The following WAPL variants were observed in gnomAD, a reference collection of about 807,000 sequenced individuals.
WAPL encodes wings apart-like protein homolog.
A neutral mutation model predicts 121.0 loss-of-function variants in WAPL; 5 were observed. The ratio of observed to expected loss-of-function variants is 0.04; its 90% CI spans 0.02 to 0.09. The LOEUF (loss-of-function observed/expected upper bound fraction) is 0.09. Among genes scored for constraint, WAPL ranks in the 10% least tolerant of loss-of-function variants. WAPL has a pLI of 1.00. For missense variants in WAPL, 999 were observed against 1,410.8 expected (o/e 0.71, Z 4.68); for synonymous variants, 480 against 481.5 (o/e 1.00, Z 0.04).
chr10:86,464,670 C>T (rs1308981686), intron 9 of WAPL, among the ~76,000 whole-genome samples: 1 of 152,148 alleles, frequency 6.6e-6, no homozygotes, highest in Non-Finnish European at 1.5e-5. Flanking sequence ...TCTGTCTCTA[C>T]TAAAAATACA....
At chr10:86,505,300 C>CTTTTTTTTTT (rs531404303) in intron 2 of WAPL, among the ~76,000 whole-genome samples, 451 of 44,656 alleles carry the variant, frequency 0.01, 88 homozygotes, top group Non-Finnish European at 0.014. Context: ...GTGCCCAACT[C>CTTTTTTTTTT]TTTTTTTTTT....
At chr10:86,437,822 C>T in intron 18 of WAPL, 98 bp downstream of exon 18, 4 of 1,035,352 alleles carry the variant, frequency 3.9e-6, no homozygotes, top group Non-Finnish European at 5.7e-6. Flanking sequence ...AAAGAAAATC[C>T]CTTTTTGCTC....
chr10:86,475,249 C>T (rs1389526221), intron 4 of WAPL, among the ~76,000 whole-genome samples: 1 of 152,174 alleles, frequency 6.6e-6, no homozygotes. Context: ...AGAAAGGTAA[C>T]ACCTCATCCT....
chr10:86,449,032 G>T (rs1202265413), intron 15 of WAPL, among the ~76,000 whole-genome samples: 1 of 151,908 alleles, frequency 6.6e-6, no homozygotes, highest in African/African-American at 2.4e-5. Context: ...AACCTTTCTG[G>T]ATCTGACTTT....
Position 86,441,453 on chromosome 10 carries a change from C to A in WAPL, c.3411+1822G>T, listed in dbSNP as rs180885559. Among the ~76,000 whole-genome samples the A allele has an allele frequency of 2.5e-3, 385 of 152,014 alleles. 2 individuals carry two copies. Among genetic ancestry groups the A allele is most frequent in the African/African-American group, 8.8e-3 (365 of 41,452 alleles). On this transcript the variant is annotated intron_variant, in intron 17 of 18. Coordinates refer to ENST00000298767, the MANE Select transcript of WAPL (RefSeq NM_015045.5). ...CTGGTTCAGACAAAAGCATTGTGAC[C>A]CAATGCTGGCCAAGATGAGAAGTCT...
intron 2 of WAPL, among the ~76,000 whole-genome samples, chr10:86,513,574 C>A (rs975316176): frequency 6.6e-6 from 1 of 152,130 alleles, no homozygotes; most frequent in Non-Finnish European, 1.5e-5. Flanking sequence ...GAACCTCCCC[C>A]AAAGTGCTGG....
chr10:86,467,043 A>T, intron 9 of WAPL: 1 of 457,806 alleles, frequency 2.2e-6, no homozygotes, highest in South Asian at 2.5e-5. Context: ...ATTAGACAAA[A>T]TGCAACAGAA....
At chr10:86,504,534 G>A (rs941699418) in intron 2 of WAPL, among the ~76,000 whole-genome samples, 3 of 148,430 alleles carry the variant, frequency 2.0e-5, no homozygotes, top group Admixed American at 6.8e-5. Context: ...AAAATTAGCC[G>A]GGCGTAGTAG....
chr10:86,497,152 C>T, intron 4 of WAPL, 49 bp downstream of exon 4: 1 of 1,397,078 alleles, frequency 7.2e-7, no homozygotes, highest in Non-Finnish European at 1.0e-6. Flanking sequence ...AGAGTTGAGC[C>T]CTCCAATAAC....
intron 12 of WAPL, among the ~76,000 whole-genome samples, chr10:86,454,578 C>T (rs183371027): frequency 6.6e-6 from 1 of 152,230 alleles, no homozygotes; most frequent in African/African-American, 2.4e-5. Flanking sequence ...GATCTTGGCT[C>T]GCTACAACCT....
Position 86,499,719 on chromosome 10 carries a change from T to C in WAPL, c.1524A>G (p.Ala508=), listed in dbSNP as rs199728919. 1.3e-6 allele frequency: 2 copies of C among 1,553,074 alleles called. No homozygotes were observed. The highest frequency in any genetic ancestry group is 2.5e-5 in the South Asian group (2 of 80,038). ...TATACATATTTTTTAAATTCTTACC[T>C]GCATTGTTAGTACCAGACTGACTGT... ...SQDSQSGTNN[A]ENLDFTEDLP... The change falls in exon 3 of 19, where the codon GCA becomes GCG. Residue 508 remains alanine, a splice_region_variant and synonymous_variant. Transcript: ENST00000298767.
intron 2 of WAPL, among the ~76,000 whole-genome samples, chr10:86,506,854 T>G (rs1842362011): frequency 6.6e-6 from 1 of 151,984 alleles, no homozygotes; most frequent in Non-Finnish European, 1.5e-5. Flanking sequence ...TACACTGGAC[T>G]AAGGGTGCCT....
chr10:86,512,646 G>A (rs1461830248), intron 2 of WAPL, among the ~76,000 whole-genome samples: 3 of 152,164 alleles, frequency 2.0e-5, no homozygotes, highest in African/African-American at 7.2e-5. Context: ...AGAACTGACT[G>A]GCTTTAATAG....
intron 2 of WAPL, among the ~76,000 whole-genome samples, chr10:86,514,438 A>G (rs1331542305): frequency 1.3e-5 from 2 of 152,204 alleles, no homozygotes; most frequent in Non-Finnish European, 2.9e-5. Flanking sequence ...GAGGAGAAAA[A>G]AAGAAATATT....
At chr10:86,502,442 T>C (rs1314797356) in intron 2 of WAPL, among the ~76,000 whole-genome samples, 1 of 152,182 alleles carries the variant, frequency 6.6e-6, no homozygotes, top group Non-Finnish European at 1.5e-5. Flanking sequence ...GGAGTCCTTA[T>C]CTGTTAAAAA....
intron 4 of WAPL, among the ~76,000 whole-genome samples, chr10:86,484,586 G>A (rs73335561): frequency 0.024 from 3,624 of 152,232 alleles, 118 homozygotes; most frequent in African/African-American, 0.075. Flanking sequence ...TGCAGCATAC[G>A]TGTACAGTCT....
rs562457092 is a variant in WAPL at position 86,436,835 on chromosome 10, T to C, written c.*708A>G. 5 of 152,772 alleles carry C rather than the reference T, an allele frequency of 3.3e-5. No individual in the cohort carries two copies. The East Asian group carries it at 9.6e-4, about 29-fold the overall frequency. 9.5% of individuals were successfully genotyped at this position (152,772 alleles called of 1,614,324 possible). ...CAAACTGTTGTTTTTCTTGTGCCTATAGCTATGACACATTATGGTATGATA... is the reference window on the plus strand; with the variant it reads ...CAAACTGTTGTTTTTCTTGTGCCTACAGCTATGACACATTATGGTATGATA... On this transcript the variant is annotated 3_prime_UTR_variant, in exon 19 of 19. Coordinates refer to ENST00000298767, the MANE Select transcript of WAPL (RefSeq NM_015045.5).
Position 86,437,623 on chromosome 10 carries a change from A to G in WAPL, c.3508-15T>C. On this transcript the variant is annotated splice_polypyrimidine_tract_variant and intron_variant, in intron 18 of 18. Transcript: ENST00000298767. ...CCAACAGCACACTGAAAGCAGGGTG[A>G]AGGGGAAAGGAAGTAACAGTTAATA... The G allele has an allele frequency of 6.2e-7, 1 of 1,613,158 alleles. No individual in the cohort carries two copies.
Position 86,521,372 on chromosome 10 carries a change from G to A in WAPL, c.-30C>T. 3.5e-6 allele frequency: 1 copy of A among 285,354 alleles called. No homozygotes were observed. Among genetic ancestry groups the A allele is most frequent in the Non-Finnish European group, 7.0e-6 (1 of 143,548 alleles). The allele number at this position is 285,354 out of a possible 1,614,324, so 17.7% of individuals were successfully genotyped here. On this transcript the variant is annotated 5_prime_UTR_variant, in exon 1 of 19. Transcript: ENST00000298767. ...GCCCGACACCTCACTTACCCTCGGA[G>A]CCTGGCGGGTGCTTTGGCCACGGGC...
Sources: gnomAD v4.1 joint callset for allele counts (sites outside exome capture counted in the v4.1 genomes callset) on GRCh38, gnomAD v4.1.1 for gene constraint, MANE v1.5 for transcripts, NCBI Gene and HGNC (gene_info 2026-07-23, HGNC 2026-07-21) for gene names.